The following MTMR8 variants were observed in gnomAD, a reference collection of about 807,000 sequenced individuals.
MTMR8 encodes myotubularin related protein 8.
A neutral mutation model predicts 39.3 loss-of-function variants in MTMR8; 65 were observed. The observed-to-expected ratio is 1.65, with a 90% CI of 1.35 to 2.03. The LOEUF (loss-of-function observed/expected upper bound fraction) is 2.03. Ranked by LOEUF, MTMR8 falls within the 30% of genes most tolerant of loss-of-function variation. The pLI, the probability that MTMR8 is intolerant of heterozygous loss-of-function variation, is 0.00. For missense variants in MTMR8, 777 were observed against 538.9 expected, an observed-to-expected ratio of 1.44 and a Z score of -4.37; for synonymous variants, 245 against 185.2, an observed-to-expected ratio of 1.32 and a Z score of -2.62.
intron 12 of MTMR8, among the ~76,000 whole-genome samples, chrX:64,288,663 A>G (rs1921288237): frequency 8.9e-6 from 1 of 112,071 alleles, no homozygotes; most frequent in Admixed American, 9.5e-5. Flanking sequence ...TGTGGCACAT[A>G]TACACCATGG....
At chrX:64,368,247 A>G (rs767334001) in intron 1 of MTMR8, among the ~76,000 whole-genome samples, 280 of 108,417 alleles carry the variant, frequency 2.6e-3, no homozygotes, top group Middle Eastern at 0.014. Flanking sequence ...ACAGAATTGG[A>G]AAAAAAACTA....
intron 1 of MTMR8, among the ~76,000 whole-genome samples, chrX:64,371,032 C>G (rs1378630324): frequency 9.0e-6 from 1 of 111,431 alleles, no homozygotes; most frequent in African/African-American, 3.3e-5. Flanking sequence ...TGGTGCATGC[C>G]TGTAATCCCA....
intron 12 of MTMR8, chrX:64,305,101 C>G (rs1489179156): frequency 9.6e-6 from 2 of 209,413 alleles, no homozygotes; most frequent in African/African-American, 6.2e-5. Flanking sequence ...AAATGTTCCA[C>G]CTTGAATTGC....
At chrX:64,308,359 C>A (rs553407372) in intron 12 of MTMR8, among the ~76,000 whole-genome samples, 2 of 79,605 alleles carry the variant, frequency 2.5e-5, no homozygotes, top group South Asian at 1.3e-3. Flanking sequence ...TTAGTAGAGA[C>A]GGGGTTTCAC....
intron 12 of MTMR8, among the ~76,000 whole-genome samples, chrX:64,327,649 C>A (rs1328839295): frequency 8.9e-6 from 1 of 112,096 alleles, no homozygotes; most frequent in Admixed American, 9.4e-5. Context: ...GAGAACTGCC[C>A]TATGATCTAT....
intron 10 of MTMR8, among the ~76,000 whole-genome samples, chrX:64,333,829 C>A (rs1389583466): frequency 1.8e-5 from 2 of 111,889 alleles, no homozygotes; most frequent in African/African-American, 6.5e-5. Flanking sequence ...AAAGTCGATT[C>A]TTGGGTTATT....
At chrX:64,391,473 CACAAG>C (rs1347609141) in intron 1 of MTMR8, among the ~76,000 whole-genome samples, 4 of 112,036 alleles carry the variant, frequency 3.6e-5, no homozygotes, top group Non-Finnish European at 1.9e-5. Flanking sequence ...CCCATCAGAT[CACAAG>C]ACAGAATAGA....
intron 12 of MTMR8, among the ~76,000 whole-genome samples, chrX:64,274,188 T>G (rs1442099544): frequency 1.8e-5 from 2 of 111,954 alleles, no homozygotes; most frequent in African/African-American, 6.5e-5. Context: ...TTCTCCAAGA[T>G]AGATCACATG....
chrX:64,333,897 C>G (rs1251358385), intron 10 of MTMR8, among the ~76,000 whole-genome samples: 1 of 111,711 alleles, frequency 9.0e-6, no homozygotes, highest in Non-Finnish European at 1.9e-5. Context: ...TATGTTTCTT[C>G]TTTCCTATCC....
chrX:64,347,102 T>G (rs911578684), intron 6 of MTMR8, among the ~76,000 whole-genome samples: 5 of 111,050 alleles, frequency 4.5e-5, no homozygotes, highest in African/African-American at 1.6e-4. Flanking sequence ...CAGGTTTGAC[T>G]GACTCCTAGA....
intron 1 of MTMR8, among the ~76,000 whole-genome samples, chrX:64,393,105 A>T (rs146279126): frequency 1.7e-3 from 193 of 112,001 alleles, no homozygotes; most frequent in African/African-American, 6.1e-3. Flanking sequence ...TGCAGTACAA[A>T]TGGAGTCTGA....
intron 12 of MTMR8, among the ~76,000 whole-genome samples, chrX:64,285,730 G>A (rs1921145214): frequency 9.0e-6 from 1 of 111,584 alleles, no homozygotes; most frequent in South Asian, 3.8e-4. Flanking sequence ...TGACTACTGG[G>A]TACATAACGA....
At chrX:64,271,898 G>C (rs1931769960) in intron 12 of MTMR8, among the ~76,000 whole-genome samples, 2 of 112,389 alleles carry the variant, frequency 1.8e-5, no homozygotes, top group African/African-American at 6.5e-5. Flanking sequence ...CCTGGGAAGG[G>C]AAAAGAGTTG....
At chrX:64,290,443 T>C (rs1921356249) in intron 12 of MTMR8, among the ~76,000 whole-genome samples, 1 of 110,430 alleles carries the variant, frequency 9.1e-6, no homozygotes, top group African/African-American at 3.3e-5. Context: ...TGTATATATA[T>C]ATAAAAAAAA....
chrX:64,326,954 G>A lies in MTMR8; in HGVS notation c.1481+1818C>T, dbSNP rs928325694. On this transcript the variant is annotated intron_variant, in intron 12 of 13. Coordinates refer to ENST00000374852, the MANE Select transcript of MTMR8 (RefSeq NM_017677.4). ...GGGAAAATACAATCTTCAGTAAATG[G>A]TGCTGAAAAAAAAATGGATGCCCAT... 3.6e-5 allele frequency among the ~76,000 whole-genome samples: 4 copies of A among 110,469 alleles called. No individual in the cohort carries two copies. In the South Asian group the frequency reaches 1.6e-3, roughly 43 times the overall value.
At chrX:64,301,114 A>T (rs1170217556) in intron 12 of MTMR8, among the ~76,000 whole-genome samples, 1 of 107,243 alleles carries the variant, frequency 9.3e-6, no homozygotes, top group East Asian at 3.0e-4. Context: ...CTGAATCTGA[A>T]CGTTGGCCTG....
chrX:64,288,861 C>T (rs1295294431), intron 12 of MTMR8, among the ~76,000 whole-genome samples: 3 of 109,643 alleles, frequency 2.7e-5, no homozygotes, highest in East Asian at 5.7e-4. Context: ...CACACCGGGG[C>T]CTGTTGTAGG....
chrX:64,277,899 C>A (rs768140732), intron 12 of MTMR8, among the ~76,000 whole-genome samples: 1 of 110,419 alleles, frequency 9.1e-6, no homozygotes, highest in East Asian at 2.9e-4. Context: ...CACATAGTCC[C>A]ATATTTCTTG....
At chrX:64,363,244 A>G (rs1485545463) in intron 1 of MTMR8, among the ~76,000 whole-genome samples, 1 of 112,056 alleles carries the variant, frequency 8.9e-6, no homozygotes, top group Non-Finnish European at 1.9e-5. Flanking sequence ...CAGGTAATAC[A>G]GTTTGGATAC....
Sources: gnomAD v4.1 joint callset for allele counts (sites outside exome capture counted in the v4.1 genomes callset) on GRCh38, gnomAD v4.1.1 for gene constraint, MANE v1.5 for transcripts, NCBI Gene and HGNC (gene_info 2026-07-23, HGNC 2026-07-21) for gene names.